NXPE4: variants seen among roughly 807,000 people sequenced by gnomAD.
NXPE4 encodes the protein neurexophilin and PC-esterase domain family member 4, also known as NXPE family member 4.
NXPE4 carries 42 observed loss-of-function variants against 33.3 expected under a neutral mutation model. The ratio of observed to expected loss-of-function variants is 1.26; its 90% CI spans 0.98 to 1.63. The LOEUF is 1.63. NXPE4 is among the 40% of genes most tolerant of loss of function. NXPE4 has a pLI of 0.00. For synonymous variants in NXPE4, 253 were observed against 234.9 expected (o/e 1.08, Z -0.71); for missense variants, 709 against 647.6 (o/e 1.09, Z -1.03).
intron 2 of NXPE4, among the ~76,000 whole-genome samples, chr11:114,587,549 G>A (rs1333734219): frequency 6.6e-6 from 1 of 152,218 alleles, no homozygotes; most frequent in Non-Finnish European, 1.5e-5. Flanking sequence ...AGAGTCACAT[G>A]GGTGAGCATG....
At position 114,582,621 on chromosome 11, in the gene NXPE4, C is replaced by G. The variant is rs1949176934; in HGVS notation, c.497G>C (p.Ser166Thr). 6.2e-7 allele frequency: 1 copy of G among 1,614,152 alleles called. No homozygotes were observed. The highest frequency in any genetic ancestry group is 8.5e-7 in the Non-Finnish European group (1 of 1,180,010). ...CTGGCCCTCCCAGAACAGAGTGAAG[C>G]TGACCAGGTAGGTGCCGTTGTTGAA... The part of the protein sequence containing the change: ...TDFNNGTYLV[S>T]FTLFWEGQVS... Residue 166 changes from serine to threonine, a missense_variant, in exon 3 of 6, where the codon AGC (serine) becomes ACC (threonine). Ser to Thr is a moderately conservative substitution (Grantham distance 58). Coordinates refer to ENST00000375478, the MANE Select transcript of NXPE4 (RefSeq NM_001077639.2).
chr11:114,576,504 GA>G (rs1004037867), intron 5 of NXPE4, among the ~76,000 whole-genome samples: 18 of 149,684 alleles, frequency 1.2e-4, no homozygotes, highest in African/African-American at 4.2e-4. Context: ...AAATCAGCAA[GA>G]AAAAAAAAGT....
At chr11:114,648,754 A>G in the NXPE4 span, among the ~76,000 whole-genome samples, 1 of 152,162 alleles carries the variant, frequency 6.6e-6, no homozygotes, top group Non-Finnish European at 1.5e-5. Context: ...AAAACTTACT[A>G]ACTTCTTCTC....
At chr11:114,607,556 C>G in the NXPE4 span, among the ~76,000 whole-genome samples, 1 of 152,058 alleles carries the variant, frequency 6.6e-6, no homozygotes, top group East Asian at 1.9e-4. Context: ...TAAGTATTGC[C>G]TCGTGGGTAA....
chr11:114,585,609 G>A (rs897446), intron 2 of NXPE4, among the ~76,000 whole-genome samples: 26,870 of 151,708 alleles, frequency 0.18, 2,707 homozygotes, highest in South Asian at 0.22. Context: ...GTGTGTGTGT[G>A]TATATATATG....
the NXPE4 span, among the ~76,000 whole-genome samples, chr11:114,601,883 A>ATATATATTATAT: frequency 8.4e-5 from 5 of 59,692 alleles, no homozygotes; most frequent in East Asian, 1.0e-3. Flanking sequence ...ATTATATATA[A>ATATATATTATAT]TTATATATTA....
At chr11:114,657,057 G>T in the NXPE4 span, among the ~76,000 whole-genome samples, 1 of 152,172 alleles carries the variant, frequency 6.6e-6, no homozygotes, top group East Asian at 1.9e-4. Flanking sequence ...TTGCGCCACT[G>T]CACTCCAGCC....
the NXPE4 span, among the ~76,000 whole-genome samples, chr11:114,621,744 A>C: frequency 6.7e-6 from 1 of 149,790 alleles, no homozygotes; most frequent in Non-Finnish European, 1.5e-5. Flanking sequence ...ACCACGGTTA[A>C]CTGCTAGATA....
At chr11:114,624,601 G>A in the NXPE4 span, among the ~76,000 whole-genome samples, 1 of 151,584 alleles carries the variant, frequency 6.6e-6, no homozygotes, top group Non-Finnish European at 1.5e-5. Flanking sequence ...TGGATTATAA[G>A]TATTGCCTCA....
chr11:114,573,764 G>A (rs1948940815), intron 5 of NXPE4, among the ~76,000 whole-genome samples: 1 of 151,894 alleles, frequency 6.6e-6, no homozygotes, highest in Non-Finnish European at 1.5e-5. Context: ...ACAATAGTGG[G>A]GAACTTTAAC....
At chr11:114,628,420 A>G in the NXPE4 span, among the ~76,000 whole-genome samples, 5 of 152,320 alleles carry the variant, frequency 3.3e-5, no homozygotes, top group East Asian at 5.8e-4. Context: ...CTGAATGACT[A>G]CTGGGTACAT....
chr11:114,633,809 G>C, the NXPE4 span, among the ~76,000 whole-genome samples: 3,034 of 151,950 alleles, frequency 0.02, 53 homozygotes, highest in Non-Finnish European at 0.032. Context: ...ATTTTTTATG[G>C]CTGCATAGTA....
chr11:114,610,759 C>G, the NXPE4 span, among the ~76,000 whole-genome samples: 1 of 151,730 alleles, frequency 6.6e-6, no homozygotes, highest in South Asian at 2.1e-4. Flanking sequence ...ATAAGTGTTG[C>G]CTTGTCGGTA....
chr11:114,613,761 T>C, the NXPE4 span, among the ~76,000 whole-genome samples: 2 of 151,886 alleles, frequency 1.3e-5, no homozygotes, highest in African/African-American at 4.8e-5. Flanking sequence ...CGGTGGATAA[T>C]AAGTGTTGCC....
chr11:114,573,152 A>G (rs1459714931), intron 5 of NXPE4, among the ~76,000 whole-genome samples: 2 of 152,142 alleles, frequency 1.3e-5, no homozygotes, highest in Non-Finnish European at 2.9e-5. Context: ...TTCGAGACAA[A>G]TGCTGACAGA....
intron 2 of NXPE4, among the ~76,000 whole-genome samples, chr11:114,593,106 A>T (rs1484663029): frequency 6.6e-6 from 1 of 152,158 alleles, no homozygotes; most frequent in East Asian, 1.9e-4. Flanking sequence ...TGTTCAGGAC[A>T]CTGATGTAGC....
chr11:114,637,918 T>C, the NXPE4 span, among the ~76,000 whole-genome samples: 1 of 151,958 alleles, frequency 6.6e-6, no homozygotes, highest in East Asian at 1.9e-4. Context: ...CTTTCAACTT[T>C]GGTGAATCTG....
chr11:114,572,004 C>T (rs999298846), intron 5 of NXPE4, among the ~76,000 whole-genome samples: 6 of 152,192 alleles, frequency 3.9e-5, no homozygotes, highest in Admixed American at 1.3e-4. Flanking sequence ...CCACTTCACT[C>T]CCCTGCTAAC....
the NXPE4 span, among the ~76,000 whole-genome samples, chr11:114,650,084 C>A: frequency 6.6e-6 from 1 of 152,086 alleles, no homozygotes; most frequent in Non-Finnish European, 1.5e-5. Flanking sequence ...GAAAAAAAAT[C>A]CAGGTAATAT....
Sources: allele counts gnomAD v4.1 joint callset (sites outside exome capture counted in the v4.1 genomes callset), GRCh38; gene constraint gnomAD v4.1.1; transcripts MANE v1.5; gene names NCBI Gene and HGNC (gene_info 2026-07-23, HGNC 2026-07-21).